SHQ1: variants seen among roughly 807,000 people sequenced by gnomAD.
SHQ1 encodes SHQ1, H/ACA ribonucleoprotein assembly factor.
Under a neutral mutation model 53.8 loss-of-function variants are expected in SHQ1, and 49 were observed. That is an observed-to-expected ratio of 0.91 (90% CI 0.72 to 1.16). SHQ1 has a LOEUF of 1.16. SHQ1 is among the 50% of genes most tolerant of loss of function. The pLI, the probability that SHQ1 is intolerant of heterozygous loss-of-function variation, is 0.00. For missense variants in SHQ1, 738 were observed against 683.1 expected (o/e 1.08, Z -0.90); for synonymous variants, 243 against 251.0 (o/e 0.97, Z 0.30).
chr3:72,815,644 C>T lies in SHQ1; in HGVS notation c.883-241G>A, dbSNP rs188513899. 2.3e-3 allele frequency among the ~76,000 whole-genome samples: 353 copies of T among 152,272 alleles called. 1 individual carries two copies. The highest frequency in any genetic ancestry group is 8.1e-3 in the African/African-American group (336 of 41,554). ...TTTTCTACTGATAAGAGTACCAGAACACAAGAGCAAACAACCAGGGGTTTT... is the reference window on the plus strand; with the variant it reads ...TTTTCTACTGATAAGAGTACCAGAATACAAGAGCAAACAACCAGGGGTTTT... On this transcript the variant is annotated intron_variant, in intron 7 of 10. Transcript: ENST00000325599.
chr3:72,785,767 T>C (rs1478644136), intron 10 of SHQ1, among the ~76,000 whole-genome samples: 1 of 152,210 alleles, frequency 6.6e-6, no homozygotes, highest in Admixed American at 6.5e-5. Flanking sequence ...TTGAAATGCA[T>C]CCACTCCGAT....
At chr3:72,822,916 G>A (rs567765145) in intron 6 of SHQ1, among the ~76,000 whole-genome samples, 1 of 152,218 alleles carries the variant, frequency 6.6e-6, no homozygotes, top group Non-Finnish European at 1.5e-5. Context: ...TTGGGAGGCC[G>A]AGGCTGGCGG....
chr3:72,845,594 T>C (rs933754086), intron 1 of SHQ1, among the ~76,000 whole-genome samples: 1 of 152,204 alleles, frequency 6.6e-6, no homozygotes, highest in African/African-American at 2.4e-5. Flanking sequence ...AAAACAGGAA[T>C]CTAATTGTCA....
At chr3:72,807,452 C>T (rs1202952136) in intron 9 of SHQ1, among the ~76,000 whole-genome samples, 4 of 152,074 alleles carry the variant, frequency 2.6e-5, no homozygotes, top group African/African-American at 4.8e-5. Flanking sequence ...AATTAAAAGG[C>T]CTAACAATTC....
chr3:72,729,911 G>A, the SHQ1 span, among the ~76,000 whole-genome samples: 1,304 of 152,194 alleles, frequency 8.6e-3, 24 homozygotes, highest in African/African-American at 0.03. Context: ...TCTGCCCCCC[G>A]GGGTTCACGC....
intron 5 of SHQ1, among the ~76,000 whole-genome samples, chr3:72,831,249 C>G: frequency 6.6e-6 from 1 of 152,214 alleles, no homozygotes; most frequent in East Asian, 1.9e-4. Context: ...TTACACATCA[C>G]TCATTCCATT....
rs1559689662 is a variant in SHQ1 at position 72,822,182 on chromosome 3, A to ATT, written c.727+2241_727+2242insAA. Among the ~76,000 whole-genome samples the ATT allele has an allele frequency of 1.9e-4, 29 of 152,226 alleles. 1 individual carries two copies. The highest frequency in any genetic ancestry group is 7.3e-5 in the Non-Finnish European group (5 of 68,048). ...CCAACCCCAAGCCTACATTTAGTTT[A>ATT]TATCTTACATTTGGTATTATTAGAA... On this transcript the variant is annotated intron_variant, in intron 6 of 10. Coordinates refer to ENST00000325599, the MANE Select transcript of SHQ1 (RefSeq NM_018130.3).
chr3:72,785,535 T>C (rs1265305862), intron 10 of SHQ1, among the ~76,000 whole-genome samples: 2 of 152,216 alleles, frequency 1.3e-5, no homozygotes, highest in Non-Finnish European at 2.9e-5. Flanking sequence ...ATTTCTTATC[T>C]GACCCTATTA....
intron 10 of SHQ1, among the ~76,000 whole-genome samples, chr3:72,786,413 A>C (rs1706233973): frequency 6.6e-6 from 1 of 152,184 alleles, no homozygotes; most frequent in African/African-American, 2.4e-5. Context: ...AAGCCTCTAC[A>C]TGAACCTCTA....
At chr3:72,796,101 C>CAAAAAAA (rs555086403) in intron 9 of SHQ1, among the ~76,000 whole-genome samples, 18 of 40,420 alleles carry the variant, frequency 4.5e-4, no homozygotes, top group African/African-American at 7.9e-4. Flanking sequence ...GACTCCATCT[C>CAAAAAAA]AAAAAAAAAA....
intron 9 of SHQ1, chr3:72,793,780 C>G (rs989764538): frequency 6.6e-6 from 1 of 152,158 alleles, no homozygotes; most frequent in Non-Finnish European, 1.5e-5. Context: ...AAGGAGTTAT[C>G]TACTAATAAC....
At chr3:72,830,460 G>A (rs1009102346) in intron 5 of SHQ1, among the ~76,000 whole-genome samples, 1 of 151,852 alleles carries the variant, frequency 6.6e-6, no homozygotes, top group African/African-American at 2.4e-5. Context: ...GTAATTTAAA[G>A]TGAGCCTTTT....
chr3:72,751,498 G>A (rs58682231), intron 10 of SHQ1, among the ~76,000 whole-genome samples: 18,088 of 116,054 alleles, frequency 0.16, 1,888 homozygotes, highest in African/African-American at 0.19. Context: ...GTGTGTGTGT[G>A]TGTGTGTGTG....
intron 9 of SHQ1, among the ~76,000 whole-genome samples, chr3:72,806,040 G>A (rs560068585): frequency 6.6e-6 from 1 of 152,114 alleles, no homozygotes; most frequent in Non-Finnish European, 1.5e-5. Context: ...TAATGTTTAC[G>A]TTTATATATA....
intron 5 of SHQ1, among the ~76,000 whole-genome samples, chr3:72,829,051 A>G (rs1230403546): frequency 6.6e-6 from 1 of 152,190 alleles, no homozygotes; most frequent in African/African-American, 2.4e-5. Context: ...AGTGAAAAAA[A>G]AAAAAAATAC....
chr3:72,773,552 G>C, intron 10 of SHQ1: 1 of 212,036 alleles, frequency 4.7e-6, no homozygotes, highest in Non-Finnish European at 9.5e-6. Flanking sequence ...TTTCAGAACT[G>C]TCAGACTGGC....
At chr3:72,822,810 A>T (rs571681679) in intron 6 of SHQ1, among the ~76,000 whole-genome samples, 17 of 152,208 alleles carry the variant, frequency 1.1e-4, no homozygotes, top group Non-Finnish European at 2.4e-4. Context: ...TTAAACTCAA[A>T]TATAAAAGTC....
In SHQ1 at chr3:72,787,666, A is replaced by G. The variant is rs530568503; in HGVS notation, c.1181+5250T>C. Among the ~76,000 whole-genome samples, 8 of 152,336 alleles carry G rather than the reference A, an allele frequency of 5.3e-5. No individual in the cohort carries two copies. The East Asian group carries it at 1.5e-3, about 29-fold the overall frequency. ...AAACAGGCTACAGAATGGTATGTGC[A>G]GTATTGCTTCCACTGGTTTAAAAAT... On this transcript the variant is annotated intron_variant, in intron 10 of 10. Transcript: ENST00000325599.
intron 4 of SHQ1, among the ~76,000 whole-genome samples, chr3:72,833,249 T>C (rs554392112): frequency 6.6e-6 from 1 of 152,168 alleles, no homozygotes; most frequent in South Asian, 2.1e-4. Flanking sequence ...CGAACCACCC[T>C]GGGCAACATG....
Sources: gnomAD v4.1 joint callset for allele counts (sites outside exome capture counted in the v4.1 genomes callset) on GRCh38, gnomAD v4.1.1 for gene constraint, MANE v1.5 for transcripts, NCBI Gene and HGNC (gene_info 2026-07-23, HGNC 2026-07-21) for gene names.